Variants in LINGO2 observed in about 807,000 individuals in gnomAD.
LINGO2 encodes the protein leucine-rich repeat and immunoglobulin-like domain-containing nogo receptor-interacting protein 2.
A neutral mutation model predicts 30.6 loss-of-function variants in LINGO2; 14 were observed. That is an observed-to-expected ratio of 0.46 (90% CI 0.30 to 0.72). The LOEUF (loss-of-function observed/expected upper bound fraction) is 0.72, where lower values mean the gene tolerates loss of function less well. Among genes scored for constraint, LINGO2 ranks in the 30% least tolerant of loss-of-function variants. The pLI, the probability that LINGO2 is intolerant of heterozygous loss-of-function variation, is 0.07. For synonymous variants in LINGO2, 317 were observed against 288.5 expected (o/e 1.10, Z -1.00); for missense variants, 729 against 751.7 (o/e 0.97, Z 0.35).
At chr9:28,768,735 T>G in the LINGO2 span, among the ~76,000 whole-genome samples, 1 of 152,132 alleles carries the variant, frequency 6.6e-6, no homozygotes, top group African/African-American at 2.4e-5. Context: ...CTCATGAGTT[T>G]ATACTGAATA....
chr9:28,041,351 T>A (rs760930580), intron 4 of LINGO2, among the ~76,000 whole-genome samples: 2 of 152,226 alleles, frequency 1.3e-5, no homozygotes, highest in South Asian at 4.1e-4. Context: ...GTTGTCTTAA[T>A]GTTCATACTG....
rs145131562 is a variant in LINGO2 at position 28,380,072 on chromosome 9, C to T, written c.-278-7204G>A. The stretch of plus-strand genomic sequence containing the variant: ...TATGTCCTCTTTGCTGCTACAGTAG[C>T]AGAGTTAACTAGATGCCACACAGAT... On this transcript the variant is annotated intron_variant, in intron 2 of 5. Coordinates refer to ENST00000379992, the Ensembl canonical transcript of LINGO2. Among the ~76,000 whole-genome samples the T allele has an allele frequency of 9.7e-3, 1,481 of 152,144 alleles. 20 individuals are homozygous for T. Among genetic ancestry groups the T allele is most frequent in the African/African-American group, 0.034 (1,415 of 41,524 alleles).
At chr9:28,768,848 A>T in the LINGO2 span, among the ~76,000 whole-genome samples, 1 of 152,142 alleles carries the variant, frequency 6.6e-6, no homozygotes, top group Non-Finnish European at 1.5e-5. Flanking sequence ...GAATTGGAAC[A>T]TCCCATAATT....
chr9:28,392,802 C>T (rs1326017666), intron 2 of LINGO2, among the ~76,000 whole-genome samples: 1 of 152,192 alleles, frequency 6.6e-6, no homozygotes, highest in African/African-American at 2.4e-5. Context: ...TAACAAAAGA[C>T]ACCTGATCAC....
the LINGO2 span, among the ~76,000 whole-genome samples, chr9:28,705,090 A>AT: frequency 3.3e-5 from 5 of 151,592 alleles, no homozygotes; most frequent in Non-Finnish European, 7.4e-5. Flanking sequence ...AATTTTTTGT[A>AT]TTTTTTTGTA....
intron 4 of LINGO2, among the ~76,000 whole-genome samples, chr9:28,163,257 A>G (rs1828337187): frequency 6.6e-6 from 1 of 152,124 alleles, no homozygotes; most frequent in African/African-American, 2.4e-5. Context: ...GAAAGAAGGT[A>G]TCAATCGAAT....
At chr9:28,848,062 TGTATATA>T in the LINGO2 span, among the ~76,000 whole-genome samples, 1 of 8,660 alleles carries the variant, frequency 1.2e-4, no homozygotes, top group Non-Finnish European at 3.2e-4. Flanking sequence ...TATATATATA[TGTATATA>T]ATATATATAT....
chr9:28,287,228 T>C (rs58661773), intron 4 of LINGO2, among the ~76,000 whole-genome samples: 2,048 of 152,310 alleles, frequency 0.013, 40 homozygotes, highest in African/African-American at 0.047. Flanking sequence ...AAATACTGAC[T>C]CTGATGTACT....
At position 28,396,510 on chromosome 9, in the gene LINGO2, C is replaced by G. The variant is rs181921471; in HGVS notation, c.-278-23642G>C. Reference sequence around the variant, plus strand: ...ACAGGGTCAGGAGATCAAGACCATCCAGGCTAACGTGGTGAAACCCCGTCT... The same window carrying G: ...ACAGGGTCAGGAGATCAAGACCATCGAGGCTAACGTGGTGAAACCCCGTCT... On this transcript the variant is annotated intron_variant, in intron 2 of 5. Transcript: ENST00000379992. Among the ~76,000 whole-genome samples the G allele has an allele frequency of 7.2e-5, 11 of 151,994 alleles. No individual in the cohort carries two copies. The East Asian group carries it at 2.1e-3, about 30-fold the overall frequency.
the LINGO2 span, among the ~76,000 whole-genome samples, chr9:28,709,560 A>T: frequency 6.6e-6 from 1 of 152,080 alleles, no homozygotes; most frequent in Non-Finnish European, 1.5e-5. Flanking sequence ...ATGCAATAAC[A>T]CATTGAGTAA....
chr9:28,780,648 G>T, the LINGO2 span, among the ~76,000 whole-genome samples: 2 of 152,060 alleles, frequency 1.3e-5, no homozygotes, highest in Non-Finnish European at 2.9e-5. Context: ...AACAGCTTCA[G>T]ATTTCTTTTT....
the LINGO2 span, among the ~76,000 whole-genome samples, chr9:28,713,160 G>A: frequency 2.7e-4 from 41 of 152,072 alleles, no homozygotes; most frequent in Admixed American, 2.4e-3. Context: ...CACTGTGCCC[G>A]GCCTCAATTC....
chr9:28,660,548 A>G (rs1205079987), intron 1 of LINGO2, among the ~76,000 whole-genome samples: 1 of 152,106 alleles, frequency 6.6e-6, no homozygotes, highest in Non-Finnish European at 1.5e-5. Context: ...GTAAACATAT[A>G]CTGGTAAAAA....
intron 2 of LINGO2, among the ~76,000 whole-genome samples, chr9:28,377,548 G>A (rs1052888247): frequency 6.6e-6 from 1 of 152,004 alleles, no homozygotes; most frequent in Non-Finnish European, 1.5e-5. Flanking sequence ...AACTGTGTGT[G>A]GGGGGGTTAG....
At chr9:28,848,211 A>G in the LINGO2 span, among the ~76,000 whole-genome samples, 86 of 109,952 alleles carry the variant, frequency 7.8e-4, 1 homozygote, top group Admixed American at 1.4e-3. Context: ...GTATATATAT[A>G]CTATATATAC....
chr9:28,649,056 C>G (rs1020197105), intron 1 of LINGO2, among the ~76,000 whole-genome samples: 1 of 152,042 alleles, frequency 6.6e-6, no homozygotes, highest in Non-Finnish European at 1.5e-5. Flanking sequence ...ATTTCAACAG[C>G]ACAGCAACTC....
At chr9:28,958,528 A>C in the LINGO2 span, among the ~76,000 whole-genome samples, 1 of 152,112 alleles carries the variant, frequency 6.6e-6, no homozygotes, top group Non-Finnish European at 1.5e-5. Flanking sequence ...CTCCAGTGTA[A>C]GGGGAATGTT....
chr9:28,167,182 C>G (rs1828454531), intron 4 of LINGO2, among the ~76,000 whole-genome samples: 2 of 136,724 alleles, frequency 1.5e-5, no homozygotes, highest in African/African-American at 5.4e-5. Flanking sequence ...TCTTGTCCTG[C>G]AAATTCCAGC....
At chr9:27,989,190 T>A (rs1821268646) in intron 5 of LINGO2, among the ~76,000 whole-genome samples, 2 of 152,092 alleles carry the variant, frequency 1.3e-5, no homozygotes, top group South Asian at 2.1e-4. Flanking sequence ...GCTTGTTCTT[T>A]CACTAAGTTC....
Sources: allele counts gnomAD v4.1 joint callset (sites outside exome capture counted in the v4.1 genomes callset), GRCh38; gene constraint gnomAD v4.1.1; transcripts MANE v1.5; gene names NCBI Gene and HGNC (gene_info 2026-07-23, HGNC 2026-07-21).